The following USP54 variants were observed in gnomAD, a reference collection of about 807,000 sequenced individuals.
The protein encoded by USP54 is ubiquitin specific peptidase 54.
In USP54, 87 loss-of-function variants were observed where a neutral mutation model predicts 170.5. That is an observed-to-expected ratio of 0.51 (90% CI 0.43 to 0.61). The LOEUF is 0.61. Among genes scored for constraint, USP54 ranks in the 20% least tolerant of loss-of-function variants. USP54 has a pLI of 0.00. For missense variants in USP54, 1,786 were observed against 2,047.8 expected (o/e 0.87, Z 2.47); for synonymous variants, 655 against 742.8 (o/e 0.88, Z 1.92).
chr10:73,599,255 G>A (rs958967769), intron 1 of USP54, among the ~76,000 whole-genome samples: 2 of 152,060 alleles, frequency 1.3e-5, no homozygotes, highest in African/African-American at 2.4e-5. Context: ...CATGAAAGAC[G>A]GTGAAACTGA....
At chr10:73,587,157 G>T (rs2077585643) in intron 1 of USP54, among the ~76,000 whole-genome samples, 1 of 152,088 alleles carries the variant, frequency 6.6e-6, no homozygotes, top group African/African-American at 2.4e-5. Flanking sequence ...CATGGTAGTA[G>T]AAAGAACATA....
At chr10:73,521,070 A>G in intron 17 of USP54, 43 bp from the exon 18 acceptor site, 1 of 1,609,640 alleles carries the variant, frequency 6.2e-7, no homozygotes, top group Non-Finnish European at 8.5e-7. Flanking sequence ...AATTCATTCC[A>G]AATTTTCCTG....
intron 23 of USP54, chr10:73,499,960 G>C: frequency 6.6e-6 from 1 of 152,250 alleles, no homozygotes; most frequent in East Asian, 1.9e-4. Context: ...AGCTGACTCT[G>C]AGGGTTTACA....
chr10:73,514,811 G>C (rs1426822249), intron 20 of USP54, among the ~76,000 whole-genome samples: 1 of 149,952 alleles, frequency 6.7e-6, no homozygotes, highest in Non-Finnish European at 1.5e-5. Flanking sequence ...AGGCTGAGGC[G>C]GGGGGATCAC....
rs571350636 is a variant in USP54 at position 73,530,246 on chromosome 10, T to C, written c.1725A>G (p.Thr575=). 1.1e-5 allele frequency: 17 copies of C among 1,614,068 alleles called. No homozygotes were observed. In the South Asian group the frequency reaches 1.3e-4, roughly 13 times the overall value. ...TCAGAGATTCTCGTTTGGGTCTCCA[T>C]GTGGGACGATACTTGCTGGAAGAAC... ...KSSSSSKYRP[T]WRPKRESLNI... Residue 575 remains threonine (T), a synonymous_variant, in exon 14 of 24, where the codon ACA becomes ACG. Transcript: ENST00000687698.
intron 1 of USP54, among the ~76,000 whole-genome samples, chr10:73,624,713 A>G (rs1472194439): frequency 6.6e-6 from 1 of 152,216 alleles, no homozygotes; most frequent in African/African-American, 2.4e-5. Context: ...GTTAACCAGC[A>G]AAGTGGTCCA....
Position 73,539,559 on chromosome 10 carries a change from T to C in USP54, c.860A>G (p.Gln287Arg). Residue 287 changes from glutamine to arginine, a missense_variant, in exon 10 of 24, where the codon CAA (glutamine) becomes CGA (arginine). Gln to Arg is a conservative substitution (Grantham distance 43). Coordinates refer to ENST00000687698, the MANE Select transcript of USP54 (RefSeq NM_001391956.1). ...CATTCCAACTAAGTACAGTTCAGAT[T>C]GCTTGGCCCGGTCATCCGTCACTCT... is the stretch of plus-strand genomic sequence containing the variant. ...FFRVTDDRAK[Q>R]SELYLVGMIC... 3 of 1,608,922 alleles carry C rather than the reference T, an allele frequency of 1.9e-6. No homozygotes were observed. Among genetic ancestry groups the C allele is most frequent in the Non-Finnish European group, 2.5e-6 (3 of 1,176,582 alleles).
At chr10:73,589,961 T>C (rs2078040418) in intron 1 of USP54, among the ~76,000 whole-genome samples, 2 of 152,244 alleles carry the variant, frequency 1.3e-5, no homozygotes, top group African/African-American at 4.8e-5. Flanking sequence ...ATCCTAGCTC[T>C]ACCACTTACA....
Position 73,536,432 on chromosome 10 carries a change from C to G in USP54, c.981G>C (p.Gly327=). 2 of 1,539,160 alleles carry G rather than the reference C, an allele frequency of 1.3e-6. No homozygotes were observed. Among genetic ancestry groups the G allele is most frequent in the South Asian group, 1.3e-5 (1 of 77,776 alleles). ...YFDDAHVKEI[G]PKWKDVVTKC... is the part of the protein sequence containing the mutation. ...TGGTCACCACATCCTTCCATTTGGGCCCAATCTGAACCAGAAACAACCAGA... is the reference window on the plus strand; with the variant it reads ...TGGTCACCACATCCTTCCATTTGGGGCCAATCTGAACCAGAAACAACCAGA... Residue 327 remains glycine, a synonymous_variant, in exon 11 of 24, where the codon GGG becomes GGC. Transcript: ENST00000687698.
At chr10:73,560,042 C>CA (rs563508891) in intron 4 of USP54, among the ~76,000 whole-genome samples, 118 of 144,816 alleles carry the variant, frequency 8.1e-4, no homozygotes, top group East Asian at 8.0e-4. Flanking sequence ...GACCCCATTT[C>CA]AAAAAAAAAA....
intron 4 of USP54, among the ~76,000 whole-genome samples, chr10:73,563,165 T>C (rs1174557444): frequency 1.3e-5 from 2 of 152,112 alleles, no homozygotes; most frequent in African/African-American, 4.8e-5. Context: ...TTGTTGTCCA[T>C]GGTGGTCTCA....
chr10:73,569,923 A>C (rs1241013188), intron 4 of USP54, among the ~76,000 whole-genome samples: 2 of 133,834 alleles, frequency 1.5e-5, no homozygotes, highest in African/African-American at 2.6e-5. Flanking sequence ...AAAAAAAAAA[A>C]AAAAAAAAAA....
At chr10:73,553,049 CT>C (rs2069952218) in intron 4 of USP54, among the ~76,000 whole-genome samples, 1 of 152,126 alleles carries the variant, frequency 6.6e-6, no homozygotes. Context: ...GTTTCTCCCA[CT>C]CAAAGGAGGC....
intron 4 of USP54, among the ~76,000 whole-genome samples, chr10:73,563,921 T>C (rs941494452): frequency 2.6e-5 from 4 of 152,124 alleles, no homozygotes; most frequent in African/African-American, 9.7e-5. Context: ...TCCTAACTTT[T>C]TTTTCATGTC....
rs759799620 is a variant in USP54 at position 73,500,719 on chromosome 10, T to G, written c.4431A>C (p.Gln1477His). 1 of 1,606,002 alleles carries G rather than the reference T, an allele frequency of 6.2e-7. No individual in the cohort carries two copies. Among genetic ancestry groups the G allele is most frequent in the Non-Finnish European group, 8.5e-7 (1 of 1,176,396 alleles). The change falls in exon 23 of 24, where the codon CAA (glutamine) becomes CAC (histidine). Residue 1477 changes from glutamine to histidine, a missense_variant. Around this residue, in one of 3 missense-constraint regions of USP54, gnomAD observed 1,418 missense variants for 1,569.0 expected, o/e 0.90. Transcript: ENST00000687698. ...FLLGPQLYLPQPQFLSPDVLM... is the reference protein window; with the variant it reads ...FLLGPQLYLPHPQFLSPDVLM... ...GGACATCTGGGGACAGGAACTGTGG[T>G]TGGGGAAGGTAGAGTTGGGGACCGA... is the stretch of plus-strand genomic sequence containing the variant.
intron 1 of USP54, among the ~76,000 whole-genome samples, chr10:73,600,881 T>A (rs1306652601): frequency 5.3e-5 from 8 of 152,114 alleles, no homozygotes; most frequent in Admixed American, 3.9e-4. Context: ...GCCACTGCAC[T>A]CCAGCCTGGG....
At chr10:73,559,051 G>T (rs919536383) in intron 4 of USP54, among the ~76,000 whole-genome samples, 1 of 151,954 alleles carries the variant, frequency 6.6e-6, no homozygotes, top group Admixed American at 6.6e-5. Flanking sequence ...GTTCAAACCC[G>T]TGTTGTTCAA....
At chr10:73,538,709 G>C (rs1339257620) in intron 10 of USP54, among the ~76,000 whole-genome samples, 1 of 152,084 alleles carries the variant, frequency 6.6e-6, no homozygotes, top group Admixed American at 6.5e-5. Context: ...CTACTCAAAA[G>C]ACTAAGGTGA....
At chr10:73,530,095 A>T (rs751311478) in intron 14 of USP54, 48 bp downstream of exon 14, 1 of 1,545,510 alleles carries the variant, frequency 6.5e-7, no homozygotes. Context: ...AAAAAGACAT[A>T]AATCAACTTT....
Sources: allele counts gnomAD v4.1 joint callset (sites outside exome capture counted in the v4.1 genomes callset), GRCh38; gene constraint gnomAD v4.1.1; regional missense constraint gnomAD v4.1.1; transcripts MANE v1.5; gene names NCBI Gene and HGNC (gene_info 2026-07-23, HGNC 2026-07-21).